The following OBSL1 variants were observed in gnomAD, a reference collection of about 807,000 sequenced individuals.
OBSL1 encodes obscurin like cytoskeletal adaptor 1.
Under a neutral mutation model 172.0 loss-of-function variants are expected in OBSL1, and 160 were observed. That is an observed-to-expected ratio of 0.93 (90% CI 0.82 to 1.06). The LOEUF (loss-of-function observed/expected upper bound fraction) is 1.06, where lower values mean the gene tolerates loss of function less well. OBSL1 is among the 50% of genes least tolerant of loss of function. The pLI, the probability that OBSL1 is intolerant of heterozygous loss-of-function variation, is 0.00. For missense variants in OBSL1, 2,681 were observed against 2,715.4 expected (o/e 0.99, Z 0.28); for synonymous variants, 1,200 against 1,196.3 (o/e 1.00, Z -0.06).
chr2:219,552,730 G>A, intron 17 of OBSL1, 33 bp from the exon 18 acceptor site: 1 of 1,514,876 alleles, frequency 6.6e-7, no homozygotes, highest in South Asian at 1.2e-5. Flanking sequence ...AGCGGGGCGG[G>A]GCAGAGGGCA....
Position 219,551,756 on chromosome 2 carries a change from GTCT to G in OBSL1, c.5453_5455del (p.Lys1818del). Reference sequence around the variant, plus strand: ...CACCGCCCGGCGGCCCACCAGAACGGTCTTCTCGCGAGGGGGGTGGCGGCACAT... The same window carrying G: ...CACCGCCCGGCGGCCCACCAGAACGGTCTCGCGAGGGGGGTGGCGGCACAT... On this transcript the variant is annotated inframe_deletion, in exon 20 of 21. Coordinates refer to ENST00000404537, the MANE Select transcript of OBSL1 (RefSeq NM_015311.3). The G allele has an allele frequency of 6.3e-7, 1 of 1,597,082 alleles. No individual in the cohort carries two copies. The highest frequency in any genetic ancestry group is 8.5e-7 in the Non-Finnish European group (1 of 1,169,902).
At chr2:219,553,826 AGAAGGATCTGT>A (rs994781969) in intron 15 of OBSL1, 140 bp from the exon 16 acceptor site, 13 of 289,532 alleles carry the variant, frequency 4.5e-5, no homozygotes, top group African/African-American at 2.8e-4. Flanking sequence ...AAGTGGTCCA[AGAAGGATCTGT>A]CAGTGGTGGG....
chr2:219,550,911 G>A, intron 20 of OBSL1, 69 bp from the exon 21 acceptor site: 3 of 1,581,592 alleles, frequency 1.9e-6, no homozygotes, highest in East Asian at 2.3e-5. Flanking sequence ...CCCTGGCAGA[G>A]CCTGGACACC....
In OBSL1 at chr2:219,559,264, C is replaced by A; in HGVS notation, c.3187G>T (p.Ala1063Ser). The change falls in exon 9 of 21, where the codon GCT becomes TCT. Residue 1063 changes from alanine to serine, a missense_variant. This residue lies in a region of OBSL1 where 1,765 missense variants were observed against 1,748.3 expected (regional missense o/e 1.01). Coordinates refer to ENST00000404537, the MANE Select transcript of OBSL1 (RefSeq NM_015311.3). The part of the protein sequence containing the change: ...PEDGGEFVCD[A>S]GDDSAFFTVT... ...GTGAAGAAGGCCGAGTCATCTCCAGCATCACATACAAACTCGCCCCCGTCC... is the reference window on the plus strand; with the variant it reads ...GTGAAGAAGGCCGAGTCATCTCCAGAATCACATACAAACTCGCCCCCGTCC... 1 of 1,612,114 alleles carries A rather than the reference C, an allele frequency of 6.2e-7. No individual in the cohort carries two copies. Among genetic ancestry groups the A allele is most frequent in the Non-Finnish European group, 8.5e-7 (1 of 1,178,376 alleles).
At position 219,571,243 on chromosome 2, in the gene OBSL1, G is replaced by T; in HGVS notation, c.-11C>A. ...CGAGCTCGCCTTCATCGCGGCGGCC[G>T]ACCGCCTGCAGCGGCGAACGGTGGG... On this transcript the variant is annotated 5_prime_UTR_variant, in exon 1 of 21. Coordinates refer to ENST00000404537, the MANE Select transcript of OBSL1 (RefSeq NM_015311.3). 2.5e-6 allele frequency: 3 copies of T among 1,220,862 alleles called. No homozygotes were observed. The highest frequency in any genetic ancestry group is 2.1e-6 in the Non-Finnish European group (2 of 965,666). 75.6% of individuals were successfully genotyped at this position (1,220,862 alleles called of 1,614,324 possible). A position where few individuals can be genotyped will look rare whatever the true frequency, so the allele number is the denominator to read the frequency against.
rs1350496219 is a variant in OBSL1 at position 219,568,015 on chromosome 2, C to G, written c.1282+40G>C. 2 of 1,608,892 alleles carry G rather than the reference C, an allele frequency of 1.2e-6. No homozygotes were observed. The highest frequency in any genetic ancestry group is 1.7e-6 in the Non-Finnish European group (2 of 1,175,912). On this transcript the variant is annotated intron_variant, in intron 2 of 20. Transcript: ENST00000404537. This position sits in a 1 kb window ranked among gnomAD's most constrained non-coding sequence, Gnocchi z 4.1. ...CATCAACCTGGAATCTGAGCACCTGCCTGCCTCCGCCTCAGCCTCTTCCCC... is the reference window on the plus strand; with the variant it reads ...CATCAACCTGGAATCTGAGCACCTGGCTGCCTCCGCCTCAGCCTCTTCCCC...
In OBSL1 at chr2:219,558,335, G is replaced by A. The variant is rs540064378; in HGVS notation, c.3351C>T (p.Asp1117=). ...PAGSQVRWYK[D]GLEVEASDAL... The stretch of plus-strand genomic sequence containing the variant: ...CATCTGATGCCTCCACTTCCAGCCC[G>A]TCCTTGTACCAGCGCACCTGAGACC... Residue 1117 remains aspartate, a synonymous_variant, in exon 10 of 21, where the codon GAC becomes GAT. Coordinates refer to ENST00000404537, the MANE Select transcript of OBSL1 (RefSeq NM_015311.3). The A allele has an allele frequency of 9.9e-6, 16 of 1,612,698 alleles. No individual in the cohort carries two copies. Among genetic ancestry groups the A allele is most frequent in the South Asian group, 7.7e-5 (7 of 90,846 alleles).
downstream of OBSL1, chr2:219,550,264 C>A (rs918673263): frequency 5.2e-6 from 1 of 193,344 alleles, no homozygotes; most frequent in Non-Finnish European, 1.1e-5. Flanking sequence ...TGCATGTCTC[C>A]GCGGAGGGGC....
chr2:219,566,227 A>C (rs1696877454), intron 5 of OBSL1, among the ~76,000 whole-genome samples: 1 of 152,220 alleles, frequency 6.6e-6, no homozygotes, highest in African/African-American at 2.4e-5. Context: ...TAAAATACAA[A>C]AACAAGCCGG....
At chr2:219,547,397 G>T (rs1695410613), downstream of OBSL1, 13 of 879,956 alleles carry the variant, frequency 1.5e-5, no homozygotes, top group East Asian at 3.5e-4. Context: ...TGATCTTAGT[G>T]TCTTTGTCTC....
intron 20 of OBSL1, 81 bp from the exon 21 acceptor site, chr2:219,550,923 G>A: frequency 6.4e-7 from 1 of 1,572,552 alleles, no homozygotes; most frequent in Non-Finnish European, 8.6e-7. Context: ...CTGGACACCA[G>A]TACACAAAGA....
rs561836279 is a variant in OBSL1 at position 219,567,614 on chromosome 2, G to A, written c.1535-39C>T. On this transcript the variant is annotated intron_variant, in intron 3 of 20. Coordinates refer to ENST00000404537, the MANE Select transcript of OBSL1 (RefSeq NM_015311.3). ...AGGGATGTGTTCCGGCCTTGCTTGG[G>A]CCTCCACAGCCCTTCCACCTTAAAT... is the stretch of plus-strand genomic sequence containing the variant. 18 of 1,593,982 alleles carry A rather than the reference G, an allele frequency of 1.1e-5. No homozygotes were observed. In the South Asian group the frequency reaches 1.9e-4, roughly 17 times the overall value.
At chr2:219,549,522 C>G (rs903852930), downstream of OBSL1, among the ~76,000 whole-genome samples, 1 of 152,108 alleles carries the variant, frequency 6.6e-6, no homozygotes, top group African/African-American at 2.4e-5. Context: ...GCGGGTCCAG[C>G]TGGTGGGGGA....
chr2:219,565,368 A>G lies in OBSL1; in HGVS notation c.2281T>C (p.Leu761=), dbSNP rs1219402714. 6.2e-7 allele frequency: 1 copy of G among 1,613,796 alleles called. No individual in the cohort carries two copies. The highest frequency in any genetic ancestry group is 8.5e-7 in the Non-Finnish European group (1 of 1,179,848). ...KDGQKVEESE[L]LVVKMDGRKH... ...CGCCCATCCATCTTCACCACCAGCAACTCGCTCTCCTCCACCTTCTGCCCA... is the reference window on the plus strand; with the variant it reads ...CGCCCATCCATCTTCACCACCAGCAGCTCGCTCTCCTCCACCTTCTGCCCA... The change falls in exon 6 of 21, where the codon TTG becomes CTG. Residue 761 remains leucine, a synonymous_variant. Coordinates refer to ENST00000404537, the MANE Select transcript of OBSL1 (RefSeq NM_015311.3).
At chr2:219,566,453 C>T (rs560589367) in intron 5 of OBSL1, among the ~76,000 whole-genome samples, 4 of 152,084 alleles carry the variant, frequency 2.6e-5, no homozygotes, top group South Asian at 2.1e-4. Context: ...ATTAGGACTG[C>T]GCCTGGCACG....
chr2:219,553,626 G>A lies in OBSL1; in HGVS notation c.4937C>T (p.Ala1646Val), dbSNP rs760670486. The change falls in exon 16 of 21, where the codon GCT (alanine) becomes GTT (valine). Residue 1646 changes from alanine to valine, a missense_variant. By Grantham distance (64) the Ala-to-Val change is moderately conservative (BLOSUM62 0). This residue lies in a region of OBSL1 where 1,765 missense variants were observed against 1,748.3 expected (regional missense o/e 1.01). Coordinates refer to ENST00000404537, the MANE Select transcript of OBSL1 (RefSeq NM_015311.3). ...HDLEVTEGDT[A>V]TFECELSQAL... Reference sequence around the variant, plus strand: ...TTGGGAAAGCTCGCACTCGAACGTAGCTGTGTCGCCCTCGGTCACCTCTAG... The same window carrying A: ...TTGGGAAAGCTCGCACTCGAACGTAACTGTGTCGCCCTCGGTCACCTCTAG... 1.2e-6 allele frequency: 2 copies of A among 1,613,830 alleles called. No homozygotes were observed. Among genetic ancestry groups the A allele is most frequent in the African/African-American group, 2.7e-5 (2 of 74,928 alleles).
At position 219,554,666 on chromosome 2, in the gene OBSL1, C is replaced by T; in HGVS notation, c.4684G>A (p.Glu1562Lys). The change falls in exon 15 of 21, where the codon GAG (glutamate) becomes AAG (lysine). Residue 1562 changes from glutamate to lysine, a missense_variant. Glu to Lys is a moderately conservative substitution (Grantham distance 56, BLOSUM62 1). Coordinates refer to ENST00000404537, the MANE Select transcript of OBSL1 (RefSeq NM_015311.3). ...CCGGTCACACCTTCCTGGGACAGCT[C>T]CAGCTGGAAGGTGGCACTGCCCCCC... ...SEGGSATFQL[E>K]LSQEGVTGEW... The T allele has an allele frequency of 6.2e-7, 1 of 1,602,724 alleles. No homozygotes were observed.
Position 219,552,911 on chromosome 2 carries a change from C to T in OBSL1, c.5103G>A (p.Ala1701=), listed in dbSNP as rs976370268. 5.8e-6 allele frequency: 9 copies of T among 1,540,118 alleles called. No homozygotes were observed. The highest frequency in any genetic ancestry group is 2.5e-5 in the East Asian group (1 of 40,484). The change falls in exon 17 of 21, where the codon GCG becomes GCA. Residue 1701 remains alanine (A), a synonymous_variant. Coordinates refer to ENST00000404537, the MANE Select transcript of OBSL1 (RefSeq NM_015311.3). ...GPSDAGTYSC[A]VGTARAGPVR... ...CCGGTCCGGCGCGGGCCGTCCCCAC[C>T]GCGCAGCTGTAGGTCCCGGCGTCCG...
chr2:219,552,758 C>G, intron 17 of OBSL1, 61 bp from the exon 18 acceptor site: 1 of 1,512,328 alleles, frequency 6.6e-7, no homozygotes, highest in Non-Finnish European at 8.9e-7. Flanking sequence ...GTCACGCCCC[C>G]TCCACGCCCC....
Sources: allele counts gnomAD v4.1 joint callset (sites outside exome capture counted in the v4.1 genomes callset), GRCh38; gene constraint gnomAD v4.1.1; regional missense constraint gnomAD v4.1.1; non-coding constraint Gnocchi (gnomAD v3.1); transcripts MANE v1.5; gene names NCBI Gene and HGNC (gene_info 2026-07-23, HGNC 2026-07-21).